ARIH2: variants seen among roughly 807,000 people sequenced by gnomAD.
ARIH2 encodes ariadne RBR E3 ubiquitin protein ligase 2.
A neutral mutation model predicts 79.8 loss-of-function variants in ARIH2; 12 were observed. That is an observed-to-expected ratio of 0.15 (90% CI 0.10 to 0.24). The LOEUF is 0.24. Ranked by LOEUF, ARIH2 falls within the 10% of genes least tolerant of loss-of-function variation. The pLI is 1.00. For missense variants in ARIH2, 301 were observed against 618.3 expected (o/e 0.49, Z 5.44); for synonymous variants, 224 against 213.9 (o/e 1.05, Z -0.41).
At chr3:48,951,671 A>G (rs2089977295) in intron 3 of ARIH2, among the ~76,000 whole-genome samples, 1 of 152,190 alleles carries the variant, frequency 6.6e-6, no homozygotes, top group Admixed American at 6.5e-5. Context: ...TTCAAAGAAC[A>G]TGTTAATTTC....
intron 3 of ARIH2, among the ~76,000 whole-genome samples, chr3:48,954,714 G>A (rs867534009): frequency 2.6e-5 from 4 of 152,320 alleles, no homozygotes; most frequent in Middle Eastern, 3.4e-3. Flanking sequence ...GAATGGGTTT[G>A]CTGGAAACAG....
rs71077758 is a variant in ARIH2, at chr3:48,959,649, CAAAAAAAAAAAAA to C, written c.256-1949_256-1937del. 4.8e-4 allele frequency among the ~76,000 whole-genome samples: 24 copies of C among 50,104 alleles called. No individual in the cohort carries two copies. In the East Asian group the frequency reaches 9.6e-3, roughly 20 times the overall value. The allele number at this position is 50,104 out of a possible 152,430, so 32.9% of individuals were successfully genotyped here. A position where few individuals can be genotyped will look rare whatever the true frequency, so the allele number is the denominator to read the frequency against. On this transcript the variant is annotated intron_variant, in intron 3 of 15. Transcript: ENST00000356401. ...AAACCCCGTCTCTACTAAAAAATACCAAAAAAAAAAAAAAAAAAAAAAAAAAGAAAAGAAAATA... is the reference window on the plus strand; with the variant it reads ...AAACCCCGTCTCTACTAAAAAATACCAAAAAAAAAAAAAGAAAAGAAAATA...
intron 11 of ARIH2, 134 bp from the exon 12 acceptor site, chr3:48,979,348 G>T (rs1180515239): frequency 1.1e-6 from 1 of 878,700 alleles, no homozygotes; most frequent in African/African-American, 1.7e-5. Context: ...ATTCCTTCGG[G>T]AAAGAGGCAC....
intron 9 of ARIH2, 82 bp from the exon 10 acceptor site, chr3:48,974,735 C>T: frequency 6.9e-7 from 1 of 1,457,962 alleles, no homozygotes; most frequent in Non-Finnish European, 9.6e-7. Context: ...CAACTGGGCA[C>T]AGGTGCCAGG....
At chr3:48,963,284 G>A (rs577720922) in intron 4 of ARIH2, among the ~76,000 whole-genome samples, 1 of 152,028 alleles carries the variant, frequency 6.6e-6, no homozygotes, top group Non-Finnish European at 1.5e-5. Flanking sequence ...AACCACATAG[G>A]TTCTGGCAAT....
rs1340532053 is a variant in ARIH2, at chr3:48,985,645, T to C, written c.*2375T>C. 2.0e-5 allele frequency: 3 copies of C among 152,346 alleles called. No individual in the cohort carries two copies. The East Asian group carries it at 5.8e-4, about 29-fold the overall frequency. 9.4% of individuals were successfully genotyped at this position (152,346 alleles called of 1,614,324 possible). A position where few individuals can be genotyped will look rare whatever the true frequency, so the allele number is the denominator to read the frequency against. ...TGCCTTCCTATCAGTCAGCCCCTTC[T>C]TCCAGAGGGCTGTGGAGGCCCCAGT... On this transcript the variant is annotated 3_prime_UTR_variant, in exon 16 of 16. Transcript: ENST00000356401.
At chr3:48,960,776 C>A (rs920340080) in intron 3 of ARIH2, among the ~76,000 whole-genome samples, 1 of 150,896 alleles carries the variant, frequency 6.6e-6, no homozygotes, top group African/African-American at 2.4e-5. Flanking sequence ...AAAAAAAAGT[C>A]TTTCTATGTT....
chr3:48,967,097 T>C (rs367866335), intron 5 of ARIH2, 28 bp from the exon 6 acceptor site: 66 of 1,609,854 alleles, frequency 4.1e-5, no homozygotes, highest in Non-Finnish European at 5.5e-5. Context: ...GACTCCTCTT[T>C]GGCTCATGTG....
chr3:48,946,440 G>C (rs959814656), intron 3 of ARIH2, among the ~76,000 whole-genome samples: 5 of 150,782 alleles, frequency 3.3e-5, no homozygotes, highest in Admixed American at 6.6e-5. Flanking sequence ...ACTATAGTCT[G>C]TGCATTTTAG....
chr3:48,955,325 C>T (rs1384010947), intron 3 of ARIH2, among the ~76,000 whole-genome samples: 2 of 151,512 alleles, frequency 1.3e-5, no homozygotes, highest in African/African-American at 4.8e-5. Flanking sequence ...CCTTCTAAGT[C>T]ATTAGTCTTT....
intron 3 of ARIH2, among the ~76,000 whole-genome samples, chr3:48,960,571 C>T (rs2091142104): frequency 6.6e-6 from 1 of 151,974 alleles, no homozygotes; most frequent in Non-Finnish European, 1.5e-5. Context: ...CGAAACTAGC[C>T]TGGCCAACAT....
chr3:48,951,807 T>A (rs1273502442), intron 3 of ARIH2, among the ~76,000 whole-genome samples: 2 of 152,198 alleles, frequency 1.3e-5, no homozygotes, highest in Non-Finnish European at 2.9e-5. Flanking sequence ...TTGTTTTCTC[T>A]TTTTTCCTAA....
chr3:48,939,001 C>G (rs1370801750), intron 3 of ARIH2, among the ~76,000 whole-genome samples: 1 of 150,058 alleles, frequency 6.7e-6, no homozygotes, highest in South Asian at 2.1e-4. Context: ...CAGAGTGTTG[C>G]TCGTCCCCCA....
At chr3:48,942,218 T>A (rs1469687759) in intron 3 of ARIH2, among the ~76,000 whole-genome samples, 25 of 151,748 alleles carry the variant, frequency 1.6e-4, no homozygotes, top group Admixed American at 1.5e-3. Flanking sequence ...GCCCAGGTAA[T>A]TTTTGTATTT....
At chr3:48,966,689 T>A (rs1273657797) in intron 5 of ARIH2, among the ~76,000 whole-genome samples, 1 of 152,202 alleles carries the variant, frequency 6.6e-6, no homozygotes, top group African/African-American at 2.4e-5. Flanking sequence ...CATCCTCTAA[T>A]AACCTTTGTG....
intron 9 of ARIH2, 77 bp downstream of exon 9, chr3:48,973,893 C>A: frequency 8.7e-7 from 1 of 1,148,008 alleles, no homozygotes; most frequent in Non-Finnish European, 1.3e-6. Flanking sequence ...GATTTGCCAT[C>A]TGAGAGCAGA....
chr3:48,940,005 G>C (rs1333117752), intron 3 of ARIH2, among the ~76,000 whole-genome samples: 1 of 151,920 alleles, frequency 6.6e-6, no homozygotes, highest in Non-Finnish European at 1.5e-5. Context: ...AGGTGTTAGA[G>C]ACCAGCCTGG....
intron 3 of ARIH2, chr3:48,945,243 A>C: frequency 7.9e-7 from 1 of 1,268,496 alleles, no homozygotes; most frequent in South Asian, 1.2e-5. Flanking sequence ...TTTCTGGGGG[A>C]AAAGTCTATT....
intron 11 of ARIH2, among the ~76,000 whole-genome samples, chr3:48,975,753 T>TG (rs759481292): frequency 6.6e-6 from 1 of 151,728 alleles, no homozygotes; most frequent in Non-Finnish European, 1.5e-5. Flanking sequence ...TTAGTAGAGA[T>TG]GGGGGTTTGC....
Sources: allele counts gnomAD v4.1 joint callset (sites outside exome capture counted in the v4.1 genomes callset), GRCh38; gene constraint gnomAD v4.1.1; transcripts MANE v1.5; gene names NCBI Gene and HGNC (gene_info 2026-07-23, HGNC 2026-07-21).